The following KCNA5 variants were observed in gnomAD, a reference collection of about 807,000 sequenced individuals.
The protein encoded by KCNA5 is potassium voltage-gated channel subfamily A member 5, also known as cardiac potassium channel.
A neutral mutation model predicts 26.5 loss-of-function variants in KCNA5; 22 were observed. The observed-to-expected ratio is 0.83, with a 90% CI of 0.59 to 1.18. KCNA5 has a LOEUF of 1.18. Among genes scored for constraint, KCNA5 ranks in the 50% most tolerant of loss-of-function variants. The pLI is 0.00. For synonymous variants in KCNA5, 465 were observed against 372.8 expected, an observed-to-expected ratio of 1.25 and a Z score of -2.85; for missense variants, 916 against 843.2, an observed-to-expected ratio of 1.09 and a Z score of -1.07.
At position 5,044,237 on chromosome 12, in the gene KCNA5, AG is replaced by A; in HGVS notation, c.95del (p.Gly32GlufsTer128). 2 of 1,538,966 alleles carry A rather than the reference AG, an allele frequency of 1.3e-6. No individual in the cohort carries two copies. The highest frequency in any genetic ancestry group is 1.7e-6 in the Non-Finnish European group (2 of 1,147,526). On this transcript the variant is annotated frameshift_variant, in exon 1 of 1. Coordinates refer to ENST00000252321, the MANE Select transcript of KCNA5 (RefSeq NM_002234.4). LOFTEE classifies it high-confidence loss of function. ...CCCGGGCAGGCTGCGGCCAGGCCACAGGGGGAGAGCTCCAGTGTCCCCCGAC... is the reference window on the plus strand; with the variant it reads ...CCCGGGCAGGCTGCGGCCAGGCCACAGGGGAGAGCTCCAGTGTCCCCCGAC... ...EARAGCGQAT[G>X]GELQCPPTAG... is the part of the protein sequence containing the mutation.
rs767826909 is a variant in KCNA5 at position 5,045,500 on chromosome 12, C to T, written c.1353C>T (p.Ala451=). The change falls in exon 1 of 1, where the codon GCC becomes GCT. Residue 451 remains alanine, a synonymous_variant. Coordinates refer to ENST00000252321, the MANE Select transcript of KCNA5 (RefSeq NM_002234.4). This position sits in a 1 kb window ranked among gnomAD's most constrained non-coding sequence, Gnocchi z 5.6. ...LFIGVILFSS[A]VYFAEADNQG... The stretch of plus-strand genomic sequence containing the variant: ...TCGGGGTCATCCTCTTCTCCAGTGC[C>T]GTCTACTTCGCAGAGGCTGACAACC... 116 of 1,614,224 alleles carry T rather than the reference C, an allele frequency of 7.2e-5. 1 individual carries two copies. In the South Asian group the frequency reaches 1.2e-3, roughly 16 times the overall value.
rs1342009988 is a variant in KCNA5 at position 5,044,337 on chromosome 12, G to A, written c.190G>A (p.Val64Met). The A allele has an allele frequency of 1.3e-6, 2 of 1,548,068 alleles. No individual in the cohort carries two copies. Among genetic ancestry groups the A allele is most frequent in the Non-Finnish European group, 8.7e-7 (1 of 1,152,074 alleles). ...CGCGCAGAGAGACGCGGACTCGGGA[G>A]TGCGGCCCTTGCCTCCGCTGCCGGA... ...RGAQRDADSG[V>M]RPLPPLPDPG... Residue 64 changes from valine to methionine, a missense_variant, in exon 1 of 1, where the codon GTG (valine) becomes ATG (methionine). Transcript: ENST00000252321.
rs1463400337 is a variant in KCNA5 at position 5,045,677 on chromosome 12, G to T, written c.1530G>T (p.Leu510=). 1.9e-6 allele frequency: 3 copies of T among 1,614,156 alleles called. No individual in the cohort carries two copies. The highest frequency in any genetic ancestry group is 8.5e-7 in the Non-Finnish European group (1 of 1,180,034). ...TCGCCGGGGTCCTCACCATTGCCCT[G>T]CCTGTGCCCGTCATCGTCTCCAACT... ...CAIAGVLTIA[L]PVPVIVSNFN... is the part of the protein sequence containing the mutation. The change falls in exon 1 of 1, where the codon CTG becomes CTT. Residue 510 remains leucine (L), a synonymous_variant. Coordinates refer to ENST00000252321, the MANE Select transcript of KCNA5 (RefSeq NM_002234.4). The surrounding 1 kb of genome is among the most constrained non-coding windows in gnomAD (Gnocchi z 5.6).
At position 5,044,572 on chromosome 12, in the gene KCNA5, C is replaced by T; in HGVS notation, c.425C>T (p.Pro142Leu). Residue 142 changes from proline to leucine, a missense_variant, in exon 1 of 1, where the codon CCC (proline) becomes CTC (leucine). Pro to Leu is a moderately conservative substitution (Grantham distance 98). Transcript: ENST00000252321. ...CAGCTGGGCACCCTGGCGCAGTTCC[C>T]CAACACACTCCTGGGGGACCCCGCC... ...ETQLGTLAQFPNTLLGDPAKR... is the reference protein window; with the variant it reads ...ETQLGTLAQFLNTLLGDPAKR... 1 of 1,614,042 alleles carries T rather than the reference C, an allele frequency of 6.2e-7. No individual in the cohort carries two copies. Among genetic ancestry groups the T allele is most frequent in the Middle Eastern group, 1.7e-4 (1 of 6,060 alleles).
rs907394143 is a variant in KCNA5 at position 5,044,130 on chromosome 12, G to A, written c.-18G>A. On this transcript the variant is annotated 5_prime_UTR_variant, in exon 1 of 1. It removes an upstream start codon present in the reference 5' UTR. Transcript: ENST00000252321. ...GAGCCGGTCAGCTGGGGCGCAGCATGCCCTCTGCTCCCGCGCCATGGAGAT... is the reference window on the plus strand; with the variant it reads ...GAGCCGGTCAGCTGGGGCGCAGCATACCCTCTGCTCCCGCGCCATGGAGAT... 19 of 1,533,904 alleles carry A rather than the reference G, an allele frequency of 1.2e-5. No homozygotes were observed. The Admixed American group carries it at 3.7e-4, about 30-fold the overall frequency.
chr12:5,046,095 C>A lies in KCNA5; in HGVS notation c.*106C>A. The A allele has an allele frequency of 7.6e-7, 1 of 1,318,714 alleles. No homozygotes were observed. Among genetic ancestry groups the A allele is most frequent in the Non-Finnish European group, 1.1e-6 (1 of 932,692 alleles). The allele number at this position is 1,318,714 out of a possible 1,614,324, so 81.7% of individuals were successfully genotyped here. A position where few individuals can be genotyped will look rare whatever the true frequency, so the allele number is the denominator to read the frequency against. On this transcript the variant is annotated 3_prime_UTR_variant, in exon 1 of 1. Coordinates refer to ENST00000252321, the MANE Select transcript of KCNA5 (RefSeq NM_002234.4). The stretch of plus-strand genomic sequence containing the variant: ...AGTATTTGAAGTCACACTGTAACCT[C>A]AGTCTACCCCTCTCCTTTCACTCCT...
In KCNA5 at chr12:5,045,596, C is replaced by T. The variant is rs766020985; in HGVS notation, c.1449C>T (p.Tyr483=). ...WAVVTMTTVG[Y]GDMRPITVGG... The stretch of plus-strand genomic sequence containing the variant: ...TGGTCACCATGACCACTGTGGGCTA[C>T]GGGGACATGAGGCCCATCACTGTTG... Residue 483 remains tyrosine, a synonymous_variant, in exon 1 of 1, where the codon TAC becomes TAT. Transcript: ENST00000252321. The surrounding 1 kb of genome is among the most constrained non-coding windows in gnomAD (Gnocchi z 5.6). 32 of 1,614,082 alleles carry T rather than the reference C, an allele frequency of 2.0e-5. No individual in the cohort carries two copies. The highest frequency in any genetic ancestry group is 4.5e-5 in the East Asian group (2 of 44,890).
At position 5,043,888 on chromosome 12, in the gene KCNA5, CG is replaced by C. The variant is rs1224490697; in HGVS notation, c.-258del. ...CAAGCGCGGCGCAGCCAGAGAGGGG[CG>C]GCTGAAGGTTGCATCTGCTGGAAGG... On this transcript the variant is annotated 5_prime_UTR_variant, in exon 1 of 1. Transcript: ENST00000252321. 3 of 504,594 alleles carry C rather than the reference CG, an allele frequency of 5.9e-6. No individual in the cohort carries two copies. Among genetic ancestry groups the C allele is most frequent in the South Asian group, 5.6e-5 (2 of 35,582 alleles). The allele number at this position is 504,594 out of a possible 1,614,324, so 31.3% of individuals were successfully genotyped here. A position where few individuals can be genotyped will look rare whatever the true frequency, so the allele number is the denominator to read the frequency against.
Position 5,045,050 on chromosome 12 carries a change from C to T in KCNA5, c.903C>T (p.Ser301=), listed in dbSNP as rs767643989. 2 of 1,612,010 alleles carry T rather than the reference C, an allele frequency of 1.2e-6. No individual in the cohort carries two copies. The highest frequency in any genetic ancestry group is 1.1e-5 in the South Asian group (1 of 90,992). The change falls in exon 1 of 1, where the codon AGC becomes AGT. Residue 301 remains serine (S), a synonymous_variant. Coordinates refer to ENST00000252321, the MANE Select transcript of KCNA5 (RefSeq NM_002234.4). This position sits in a 1 kb window ranked among gnomAD's most constrained non-coding sequence, Gnocchi z 5.6. ...CGCCCGCCCCTGGGGCCAACGGCAG[C>T]GGGGTCATGGCCCCGCCCTCTGGCC... The part of the protein sequence containing the change: ...PPAPAPGANG[S]GVMAPPSGPT...
rs766876174 is a variant in KCNA5, at chr12:5,044,983, G to A, written c.836G>A (p.Arg279His). The A allele has an allele frequency of 1.1e-5, 18 of 1,613,234 alleles. No homozygotes were observed. Among genetic ancestry groups the A allele is most frequent in the South Asian group, 2.2e-5 (2 of 91,064 alleles). ...LETLPEFRDERELLRHPPAPH... is the reference protein window; with the variant it reads ...LETLPEFRDEHELLRHPPAPH... The stretch of plus-strand genomic sequence containing the variant: ...ACCCTGCCTGAGTTCAGGGATGAAC[G>A]TGAGCTGCTCCGCCACCCTCCGGCG... Residue 279 changes from arginine to histidine, a missense_variant, in exon 1 of 1, where the codon CGT becomes CAT. Transcript: ENST00000252321.
chr12:5,044,151 G>C lies in KCNA5; in HGVS notation c.4G>C (p.Glu2Gln). M[E>Q]IALVPLENGG... ...GCATGCCCTCTGCTCCCGCGCCATGGAGATCGCCCTGGTGCCCCTGGAGAA... is the reference window on the plus strand; with the variant it reads ...GCATGCCCTCTGCTCCCGCGCCATGCAGATCGCCCTGGTGCCCCTGGAGAA... Residue 2 changes from glutamate (E) to glutamine (Q), a missense_variant, in exon 1 of 1, where the codon GAG (glutamate) becomes CAG (glutamine). Transcript: ENST00000252321. The C allele has an allele frequency of 6.5e-7, 1 of 1,535,314 alleles. No homozygotes were observed.
Position 5,043,944 on chromosome 12 carries a change from C to G in KCNA5, c.-204C>G, listed in dbSNP as rs1862737440. 1.7e-6 allele frequency: 1 copy of G among 598,900 alleles called. No homozygotes were observed. Among genetic ancestry groups the G allele is most frequent in the Non-Finnish European group, 2.9e-6 (1 of 343,348 alleles). The allele number at this position is 598,900 out of a possible 1,614,324, so 37.1% of individuals were successfully genotyped here. A position where few individuals can be genotyped will look rare whatever the true frequency, so the allele number is the denominator to read the frequency against. On this transcript the variant is annotated 5_prime_UTR_variant, in exon 1 of 1. Transcript: ENST00000252321. ...TTTTCGGCTGCTTGGTAACGGGCTG[C>G]CAGAAGAGAGAGAGGCAGAGAGCAG...
Position 5,044,790 on chromosome 12 carries a change from G to T in KCNA5, c.643G>T (p.Glu215Ter). ...GGACGAGGCCATGGAGCGCTTCCGC[G>T]AGGATGAGGGCTTCATTAAAGAAGA... ...LGDEAMERFR[E>*]DEGFIKEEEK... The change falls in exon 1 of 1, where the codon GAG becomes TAG. Residue 215 changes from glutamate (E) to a stop codon, truncating the protein, a stop_gained. Transcript: ENST00000252321. LOFTEE classifies it high-confidence loss of function. 5 of 1,614,190 alleles carry T rather than the reference G, an allele frequency of 3.1e-6. No homozygotes were observed. The highest frequency in any genetic ancestry group is 4.2e-6 in the Non-Finnish European group (5 of 1,180,032).
rs76708779 is a variant in KCNA5 at position 5,045,297 on chromosome 12, G to A, written c.1150G>A (p.Gly384Arg). 1.2e-3 allele frequency: 1,933 copies of A among 1,614,122 alleles called. 10 individuals carry two copies. The African/African-American group carries it at 0.014, about 12-fold the overall frequency. The change falls in exon 1 of 1, where the codon GGA (glycine) becomes AGA (arginine). Residue 384 changes from glycine to arginine, a missense_variant. Physicochemically the swap from Gly to Arg is moderately radical, Grantham distance 125. Transcript: ENST00000252321. This position sits in a 1 kb window ranked among gnomAD's most constrained non-coding sequence, Gnocchi z 5.6. ...ACTGGCAGAGCAGCAGCCAGGGGGTGGAGGAGGCGGCCAGAATGGGCAGCA... is the reference window on the plus strand; with the variant it reads ...ACTGGCAGAGCAGCAGCCAGGGGGTAGAGGAGGCGGCCAGAATGGGCAGCA... ...TELAEQQPGG[G>R]GGGQNGQQAM... is the part of the protein sequence containing the mutation.
In KCNA5 at chr12:5,045,231, G is replaced by T; in HGVS notation, c.1084G>T (p.Val362Leu). 1 of 1,614,202 alleles carries T rather than the reference G, an allele frequency of 6.2e-7. No individual in the cohort carries two copies. Among genetic ancestry groups the T allele is most frequent in the Non-Finnish European group, 8.5e-7 (1 of 1,180,030 alleles). ...CCGGAACATCATGAACATCATCGAT[G>T]TGGTGGCCATCTTCCCCTACTTCAT... ...FSRNIMNIID[V>L]VAIFPYFITL... Residue 362 changes from valine to leucine, a missense_variant, in exon 1 of 1, where the codon GTG becomes TTG. Physicochemically the swap from Val to Leu is conservative, Grantham distance 32. Transcript: ENST00000252321. This position sits in a 1 kb window ranked among gnomAD's most constrained non-coding sequence, Gnocchi z 5.6.
Position 5,045,662 on chromosome 12 carries a change from C to A in KCNA5, c.1515C>A (p.Val505=). ...IVGSLCAIAG[V]LTIALPVPVI... Reference sequence around the variant, plus strand: ...GCTCGCTGTGTGCCATCGCCGGGGTCCTCACCATTGCCCTGCCTGTGCCCG... The same window carrying A: ...GCTCGCTGTGTGCCATCGCCGGGGTACTCACCATTGCCCTGCCTGTGCCCG... The change falls in exon 1 of 1, where the codon GTC becomes GTA. Residue 505 remains valine (V), a synonymous_variant. Coordinates refer to ENST00000252321, the MANE Select transcript of KCNA5 (RefSeq NM_002234.4). This position sits in a 1 kb window ranked among gnomAD's most constrained non-coding sequence, Gnocchi z 5.6. 6.2e-7 allele frequency: 1 copy of A among 1,614,178 alleles called. No individual in the cohort carries two copies. The highest frequency in any genetic ancestry group is 8.5e-7 in the Non-Finnish European group (1 of 1,180,040).
At position 5,045,902 on chromosome 12, in the gene KCNA5, G is replaced by C; in HGVS notation, c.1755G>C (p.Lys585Asn). 3.1e-6 allele frequency: 5 copies of C among 1,614,040 alleles called. No homozygotes were observed. Among genetic ancestry groups the C allele is most frequent in the Non-Finnish European group, 4.2e-6 (5 of 1,180,042 alleles). Residue 585 changes from lysine to asparagine, a missense_variant, in exon 1 of 1, where the codon AAG (lysine) becomes AAC (asparagine). Physicochemically the swap from Lys to Asn is moderately conservative, Grantham distance 94 (BLOSUM62 0). Coordinates refer to ENST00000252321, the MANE Select transcript of KCNA5 (RefSeq NM_002234.4). The surrounding 1 kb of genome is among the most constrained non-coding windows in gnomAD (Gnocchi z 5.6). ...SARRGSCPLE[K>N]CNVKAKSNVD... ...GAAGGGGCAGCTGCCCCCTAGAGAA[G>C]TGTAACGTCAAGGCCAAGAGCAACG... is the stretch of plus-strand genomic sequence containing the variant.
chr12:5,044,499 C>A lies in KCNA5; in HGVS notation c.352C>A (p.His118Asn). Reference protein sequence around the residue: ...EDQALGTASLHHQRVHINISG... With the variant: ...EDQALGTASLNHQRVHINISG... ...CCAGGCTCTGGGCACGGCGTCCCTG[C>A]ACCACCAGCGCGTCCACATCAACAT... Residue 118 changes from histidine to asparagine, a missense_variant, in exon 1 of 1, where the codon CAC (histidine) becomes AAC (asparagine). By Grantham distance (68) the His-to-Asn change is moderately conservative. Coordinates refer to ENST00000252321, the MANE Select transcript of KCNA5 (RefSeq NM_002234.4). 6.2e-7 allele frequency: 1 copy of A among 1,612,514 alleles called. No homozygotes were observed. Among genetic ancestry groups the A allele is most frequent in the Non-Finnish European group, 8.5e-7 (1 of 1,179,372 alleles).
rs1225976553 is a variant in KCNA5 at position 5,045,485 on chromosome 12, C to T, written c.1338C>T (p.Ile446=). ...TCTTCTTCCTCTTCATCGGGGTCAT[C>T]CTCTTCTCCAGTGCCGTCTACTTCG... The part of the protein sequence containing the change: ...LLIFFLFIGV[I]LFSSAVYFAE... The change falls in exon 1 of 1, where the codon ATC becomes ATT. Residue 446 remains isoleucine, a synonymous_variant. Transcript: ENST00000252321. This position sits in a 1 kb window ranked among gnomAD's most constrained non-coding sequence, Gnocchi z 5.6. 3 of 1,614,108 alleles carry T rather than the reference C, an allele frequency of 1.9e-6. No individual in the cohort carries two copies. The highest frequency in any genetic ancestry group is 2.5e-6 in the Non-Finnish European group (3 of 1,180,058).
Sources: allele counts gnomAD v4.1 joint callset, GRCh38; gene constraint gnomAD v4.1.1; non-coding constraint Gnocchi (gnomAD v3.1); transcripts MANE v1.5; gene names NCBI Gene and HGNC (gene_info 2026-07-23, HGNC 2026-07-21).